Variants in CDC42BPB observed in about 807,000 individuals in gnomAD.
CDC42BPB encodes CDC42 binding protein kinase beta.
In CDC42BPB, 37 loss-of-function variants were observed where a neutral mutation model predicts 214.9. The observed-to-expected ratio is 0.17, with a 90% confidence interval of 0.13 to 0.23. The LOEUF (loss-of-function observed/expected upper bound fraction) is 0.23, where lower values mean the gene tolerates loss of function less well. CDC42BPB is among the 10% of genes least tolerant of loss of function. CDC42BPB has a pLI of 1.00. For synonymous variants in CDC42BPB, 931 were observed against 884.0 expected, an observed-to-expected ratio of 1.05 and a Z score of -0.94; for missense variants, 1,694 against 2,227.0, an observed-to-expected ratio of 0.76 and a Z score of 4.82.
At chr14:102,979,995 T>G (rs577227311) in intron 8 of CDC42BPB, among the ~76,000 whole-genome samples, 7 of 152,324 alleles carry the variant, frequency 4.6e-5, no homozygotes, top group East Asian at 3.9e-4. Flanking sequence ...GAAACACCAA[T>G]GCAGACACAA....
intron 1 of CDC42BPB, among the ~76,000 whole-genome samples, chr14:103,049,410 T>C (rs913060822): frequency 1.1e-4 from 17 of 152,370 alleles, no homozygotes; most frequent in Admixed American, 9.8e-4. Flanking sequence ...TGCTGACACG[T>C]CAACTTCACG....
rs527751061 is a variant in CDC42BPB, at chr14:102,959,475, T to C, written c.2901+156A>G. Among the ~76,000 whole-genome samples the C allele has an allele frequency of 5.3e-5, 8 of 152,248 alleles. No individual in the cohort carries two copies. The East Asian group carries it at 1.5e-3, about 29-fold the overall frequency. On this transcript the variant is annotated intron_variant, in intron 21 of 36. Transcript: ENST00000361246. ...ATGCGTTTAATGTGGGTTGATTACA[T>C]GTGGGTCAATTACACAGTTAGCACA...
At chr14:103,025,983 A>G (rs559692580) in intron 1 of CDC42BPB, among the ~76,000 whole-genome samples, 68 of 152,324 alleles carry the variant, frequency 4.5e-4, no homozygotes, top group African/African-American at 1.6e-3. Flanking sequence ...TTCAAATGGT[A>G]CTGGGGTGGC....
At chr14:103,054,877 T>A (rs1369231594) in intron 1 of CDC42BPB, among the ~76,000 whole-genome samples, 1 of 152,260 alleles carries the variant, frequency 6.6e-6, no homozygotes, top group Admixed American at 6.5e-5. Context: ...CCTCCACACA[T>A]GCTGACAAGA....
chr14:103,032,543 A>C (rs1325662132), intron 1 of CDC42BPB, among the ~76,000 whole-genome samples: 7 of 151,134 alleles, frequency 4.6e-5, no homozygotes, highest in Admixed American at 2.0e-4. Flanking sequence ...TGCAAAAAAA[A>C]AAAAAAAAAA....
rs754871781 is a variant in CDC42BPB, at chr14:103,001,886, G to A, written c.447+2042C>T. Among the ~76,000 whole-genome samples, 1 of 152,162 alleles carries A rather than the reference G, an allele frequency of 6.6e-6. No homozygotes were observed. The highest frequency in any genetic ancestry group is 1.5e-5 in the Non-Finnish European group (1 of 68,026). On this transcript the variant is annotated intron_variant, in intron 4 of 36. Transcript: ENST00000361246. This position sits in a 1 kb window ranked among gnomAD's most constrained non-coding sequence, Gnocchi z 5.8. ...TACAGCAGCACTGGGTCTGATCAAC[G>A]GTCTCCTGGAGCATGGTCTCTGAGG...
At chr14:103,052,855 C>T (rs867512183) in intron 1 of CDC42BPB, among the ~76,000 whole-genome samples, 3 of 152,156 alleles carry the variant, frequency 2.0e-5, no homozygotes, top group South Asian at 2.1e-4. Flanking sequence ...TCCATCCAAA[C>T]GCAACATTAG....
intron 21 of CDC42BPB, among the ~76,000 whole-genome samples, chr14:102,955,057 C>A (rs983840458): frequency 6.6e-6 from 1 of 152,220 alleles, no homozygotes; most frequent in Non-Finnish European, 1.5e-5. Context: ...ACTGAAAGGG[C>A]AAGACCTGGA....
At chr14:102,942,518 T>C (rs917955479) in intron 30 of CDC42BPB, among the ~76,000 whole-genome samples, 3 of 152,226 alleles carry the variant, frequency 2.0e-5, no homozygotes, top group African/African-American at 7.2e-5. Context: ...GCCACTCTGA[T>C]AGATCAGAGG....
chr14:102,938,000 C>T, intron 36 of CDC42BPB, 104 bp downstream of exon 36: 1 of 1,228,504 alleles, frequency 8.1e-7, no homozygotes, highest in Non-Finnish European at 1.2e-6. Flanking sequence ...AAGTGGGGTG[C>T]TCCAAAAGGG....
intron 30 of CDC42BPB, chr14:102,941,260 T>C (rs1891876480): frequency 2.3e-5 from 23 of 985,450 alleles, no homozygotes; most frequent in Non-Finnish European, 2.8e-5. Context: ...TCAGTGCTCC[T>C]TCCTGGCTCT....
intron 1 of CDC42BPB, among the ~76,000 whole-genome samples, chr14:103,048,524 T>TA (rs1301118435): frequency 6.4e-5 from 1 of 15,514 alleles, no homozygotes; most frequent in Non-Finnish European, 1.3e-4. Context: ...CTGTTTCTAC[T>TA]AAAAATACAA....
chr14:103,010,284 C>G (rs1886077033), intron 2 of CDC42BPB, among the ~76,000 whole-genome samples: 1 of 152,208 alleles, frequency 6.6e-6, no homozygotes, highest in Non-Finnish European at 1.5e-5. Context: ...AAGACCCTAT[C>G]TCAAACAAAA....
intron 3 of CDC42BPB, among the ~76,000 whole-genome samples, chr14:103,006,456 T>C (rs1404886281): frequency 6.6e-6 from 1 of 152,252 alleles, no homozygotes; most frequent in African/African-American, 2.4e-5. Flanking sequence ...GGTGACCTGC[T>C]GACAGGAAAC....
intron 21 of CDC42BPB, among the ~76,000 whole-genome samples, chr14:102,957,606 GA>G (rs1186996906): frequency 6.6e-6 from 1 of 152,244 alleles, no homozygotes; most frequent in African/African-American, 2.4e-5. Context: ...GGATTTCAGG[GA>G]AAAGACAAGC....
intron 1 of CDC42BPB, among the ~76,000 whole-genome samples, chr14:103,051,114 T>C (rs1888579511): frequency 7.3e-6 from 1 of 137,572 alleles, no homozygotes; most frequent in African/African-American, 2.8e-5. Flanking sequence ...AAACTGAAAC[T>C]TGACCTTTAT....
rs772855288 is a variant in CDC42BPB, at chr14:102,970,245, T to C, written c.1901A>G (p.Asp634Gly). Residue 634 changes from aspartate (D) to glycine (G), a missense_variant, in exon 14 of 37, where the codon GAT (aspartate) becomes GGT (glycine). This residue lies in a region of CDC42BPB where 462 missense variants were observed against 513.5 expected (regional missense o/e 0.90). Coordinates refer to ENST00000361246, the MANE Select transcript of CDC42BPB (RefSeq NM_006035.4). ...KLRKELEAQL[D>G]DAVAEASKER... ...CTTGGAGGCCTCAGCAACAGCATCA[T>C]CAAGCTGAGCTTCCAGCTACAAAAG... The C allele has an allele frequency of 2.5e-6, 4 of 1,613,036 alleles. No homozygotes were observed. Among genetic ancestry groups the C allele is most frequent in the Non-Finnish European group, 3.4e-6 (4 of 1,179,612 alleles).
chr14:102,945,599 G>T, intron 29 of CDC42BPB, 63 bp downstream of exon 29: 1 of 1,426,588 alleles, frequency 7.0e-7, no homozygotes, highest in Non-Finnish European at 9.9e-7. Flanking sequence ...CTGACCCTGT[G>T]CTGTCTGCAG....
In CDC42BPB at chr14:102,932,689, C is replaced by G. The variant is rs1407477769; in HGVS notation, c.*1023G>C. ...CTGTGTCTGCCGCCACAGTTAATCA[C>G]AAGCCTCTGACGACACAGGGCCACA... On this transcript the variant is annotated 3_prime_UTR_variant, in exon 37 of 37. Transcript: ENST00000361246. The G allele has an allele frequency of 6.6e-6, 1 of 152,496 alleles. No homozygotes were observed. Among genetic ancestry groups the G allele is most frequent in the Non-Finnish European group, 1.5e-5 (1 of 68,052 alleles). The allele number at this position is 152,496 out of a possible 1,614,324, so 9.4% of individuals were successfully genotyped here.
Sources: gnomAD v4.1 joint callset for allele counts (sites outside exome capture counted in the v4.1 genomes callset) on GRCh38, gnomAD v4.1.1 for gene constraint, gnomAD v4.1.1 regional missense constraint, Gnocchi (gnomAD v3.1) non-coding constraint, MANE v1.5 for transcripts, NCBI Gene and HGNC (gene_info 2026-07-23, HGNC 2026-07-21) for gene names.